The following ABCA6 variants were observed in gnomAD, a reference collection of about 807,000 sequenced individuals.
ABCA6 encodes the protein ATP binding cassette subfamily A member 6.
Under a neutral mutation model 191.2 loss-of-function variants are expected in ABCA6, and 164 were observed. The observed-to-expected ratio is 0.86, with a 90% CI of 0.76 to 0.98. ABCA6 has a LOEUF of 0.98. ABCA6 is among the 50% of genes least tolerant of loss of function. ABCA6 has a pLI of 0.00. For missense variants in ABCA6, 1,958 were observed against 1,894.1 expected, an observed-to-expected ratio of 1.03 and a Z score of -0.63; for synonymous variants, 636 against 647.7, an observed-to-expected ratio of 0.98 and a Z score of 0.27.
At chr17:69,121,635 G>A (rs1457401270) in intron 10 of ABCA6, among the ~76,000 whole-genome samples, 2 of 151,808 alleles carry the variant, frequency 1.3e-5, no homozygotes, top group African/African-American at 4.8e-5. Flanking sequence ...AGGTGGGGGT[G>A]GAGCACATTT....
intron 23 of ABCA6, among the ~76,000 whole-genome samples, 191 bp from the exon 24 acceptor site, chr17:69,096,992 T>C (rs1320775951): frequency 6.6e-6 from 1 of 152,192 alleles, no homozygotes; most frequent in African/African-American, 2.4e-5. Flanking sequence ...TTACAAGGTG[T>C]CTATCAAAAA....
intron 6 of ABCA6, among the ~76,000 whole-genome samples, chr17:69,133,187 C>T (rs572856462): frequency 2.6e-5 from 4 of 152,302 alleles, no homozygotes; most frequent in Admixed American, 6.5e-5. Context: ...TGTGGCCAAA[C>T]CCCTGAACAC....
At chr17:69,134,195 T>C (rs1462836541) in intron 5 of ABCA6, among the ~76,000 whole-genome samples, 2 of 152,228 alleles carry the variant, frequency 1.3e-5, no homozygotes, top group Non-Finnish European at 2.9e-5. Flanking sequence ...AATCTGATTA[T>C]ATATCATTGC....
chr17:69,091,443 G>C, intron 25 of ABCA6, among the ~76,000 whole-genome samples, 181 bp from the exon 26 acceptor site: 1 of 152,214 alleles, frequency 6.6e-6, no homozygotes, highest in Admixed American at 6.5e-5. Flanking sequence ...TTGTTAACAA[G>C]AATACATTAT....
At position 69,081,118 on chromosome 17, in the gene ABCA6, C is replaced by T; in HGVS notation, c.4644G>A (p.Leu1548=). The T allele has an allele frequency of 6.2e-7, 1 of 1,603,420 alleles. No individual in the cohort carries two copies. Among genetic ancestry groups the T allele is most frequent in the Admixed American group, 1.7e-5 (1 of 58,650 alleles). ...ATAGAGGGTAAACGTCTGCCACGGG[C>T]AGCTTATAGGTTAACAAAGAGGAAT... is the stretch of plus-strand genomic sequence containing the variant. ...ERYSSLLTYK[L]PVADVYPLSQ... Residue 1548 remains leucine (L), a synonymous_variant, in exon 37 of 39, where the codon CTG becomes CTA. Transcript: ENST00000284425.
rs757528776 is a variant in ABCA6, at chr17:69,081,122, T to TTATA, written c.4636_4639dup (p.Lys1547IlefsTer2). 1 of 1,601,358 alleles carries TTATA rather than the reference T, an allele frequency of 6.2e-7. No individual in the cohort carries two copies. The highest frequency in any genetic ancestry group is 8.5e-7 in the Non-Finnish European group (1 of 1,173,742). Reference sequence around the variant, plus strand: ...AGGGTAAACGTCTGCCACGGGCAGCTTATAGGTTAACAAAGAGGAATACCT... The same window carrying TTATA: ...AGGGTAAACGTCTGCCACGGGCAGCTTATATATAGGTTAACAAAGAGGAATACCT... On this transcript the variant is annotated stop_gained and frameshift_variant, in exon 37 of 39. Transcript: ENST00000284425. LOFTEE classifies it high-confidence loss of function.
chr17:69,103,816 T>C (rs1323714549), intron 20 of ABCA6: 4 of 150,980 alleles, frequency 2.6e-5, no homozygotes, highest in Admixed American at 6.6e-5. Flanking sequence ...ATTTACTTAC[T>C]GAGAGACCTT....
intron 15 of ABCA6, 93 bp downstream of exon 15, chr17:69,113,128 CA>C: frequency 7.0e-7 from 1 of 1,420,892 alleles, no homozygotes; most frequent in Non-Finnish European, 9.3e-7. Context: ...GGAACATCAC[CA>C]TAATGAGAGC....
chr17:69,106,593 G>GAA (rs57384424), intron 18 of ABCA6, among the ~76,000 whole-genome samples: 1,933 of 101,398 alleles, frequency 0.019, 71 homozygotes, highest in African/African-American at 0.057. Flanking sequence ...ACTCCATCTC[G>GAA]AAAAAAAAAA....
chr17:69,107,673 G>T, intron 18 of ABCA6, 23 bp downstream of exon 18: 1 of 1,470,154 alleles, frequency 6.8e-7, no homozygotes, highest in Non-Finnish European at 9.4e-7. Flanking sequence ...TTGGTTTTCT[G>T]TGAATTATAC....
intron 8 of ABCA6, among the ~76,000 whole-genome samples, chr17:69,125,989 T>C (rs987733962): frequency 1.3e-5 from 2 of 152,034 alleles, no homozygotes; most frequent in African/African-American, 2.4e-5. Context: ...AATGGCACAA[T>C]GTAGAAAGCT....
chr17:69,128,374 C>T (rs2073792496), intron 8 of ABCA6, among the ~76,000 whole-genome samples: 1 of 150,982 alleles, frequency 6.6e-6, no homozygotes, highest in Non-Finnish European at 1.5e-5. Flanking sequence ...AGGAAAAAAA[C>T]CTAGAAGAAA....
intron 25 of ABCA6, among the ~76,000 whole-genome samples, chr17:69,094,012 C>G (rs978918300): frequency 1.3e-5 from 2 of 152,198 alleles, no homozygotes; most frequent in African/African-American, 4.8e-5. Context: ...TCCATAACAA[C>G]TTAAGCATAA....
Position 69,113,615 on chromosome 17 carries a change from T to C in ABCA6, c.1902+3A>G, listed in dbSNP as rs1268831315. ...TTCCTTCCCCATGCATAATCTCACTTACTTGAGGATCTCCTAAAATGGTAA... is the reference window on the plus strand; with the variant it reads ...TTCCTTCCCCATGCATAATCTCACTCACTTGAGGATCTCCTAAAATGGTAA... On this transcript the variant is annotated splice_donor_region_variant and intron_variant, in intron 14 of 38. Coordinates refer to ENST00000284425, the MANE Select transcript of ABCA6 (RefSeq NM_080284.3). The C allele has an allele frequency of 6.2e-7, 1 of 1,612,924 alleles. No individual in the cohort carries two copies. The highest frequency in any genetic ancestry group is 8.5e-7 in the Non-Finnish European group (1 of 1,179,298).
chr17:69,141,150 A>G (rs1322852379), intron 1 of ABCA6, among the ~76,000 whole-genome samples: 1 of 152,110 alleles, frequency 6.6e-6, no homozygotes, highest in Non-Finnish European at 1.5e-5. Flanking sequence ...CAAAAGTCTG[A>G]TTACTTAAAT....
At position 69,083,278 on chromosome 17, in the gene ABCA6, G is replaced by T. The variant is rs2072686905; in HGVS notation, c.4409C>A (p.Thr1470Asn). The stretch of plus-strand genomic sequence containing the variant: ...GGCTTCCGCCTCAGCCAGGTTATGG[G>T]TGGTCAGGAGGACACCTCTCTCTGT... ...KNTERGVLLT[T>N]HNLAEAEALC... Residue 1470 changes from threonine to asparagine, a missense_variant, in exon 35 of 39, where the codon ACC (threonine) becomes AAC (asparagine). Coordinates refer to ENST00000284425, the MANE Select transcript of ABCA6 (RefSeq NM_080284.3). 6.2e-7 allele frequency: 1 copy of T among 1,610,284 alleles called. No homozygotes were observed. Among genetic ancestry groups the T allele is most frequent in the Admixed American group, 1.7e-5 (1 of 58,788 alleles).
intron 10 of ABCA6, among the ~76,000 whole-genome samples, 183 bp downstream of exon 10, chr17:69,123,056 T>TA (rs1243530048): frequency 6.6e-6 from 1 of 151,506 alleles, no homozygotes; most frequent in African/African-American, 2.4e-5. Context: ...GAGATACACC[T>TA]AATGCTAAAT....
At chr17:69,103,625 G>T (rs1279785874) in intron 20 of ABCA6, among the ~76,000 whole-genome samples, 1 of 152,090 alleles carries the variant, frequency 6.6e-6, no homozygotes, top group African/African-American at 2.4e-5. Context: ...GCAGCTGAAG[G>T]TAAAACCAAT....
chr17:69,112,354 C>T (rs2073441024), intron 15 of ABCA6, 81 bp from the exon 16 acceptor site: 1 of 1,067,326 alleles, frequency 9.4e-7, no homozygotes, highest in African/African-American at 1.6e-5. Context: ...GGAGCCAAGG[C>T]TCAGAAGTGC....
Sources: allele counts gnomAD v4.1 joint callset (sites outside exome capture counted in the v4.1 genomes callset), GRCh38; gene constraint gnomAD v4.1.1; transcripts MANE v1.5; gene names NCBI Gene and HGNC (gene_info 2026-07-23, HGNC 2026-07-21).